NUP98: variants seen among roughly 807,000 people sequenced by gnomAD.
NUP98 encodes nucleoporin 98 and 96 precursor.
Under a neutral mutation model 191.9 loss-of-function variants are expected in NUP98, and 26 were observed. That is an observed-to-expected ratio of 0.14 (90% CI 0.10 to 0.19). NUP98 has a LOEUF of 0.19. Among genes scored for constraint, NUP98 ranks in the 10% least tolerant of loss-of-function variants. The pLI, the probability that NUP98 is intolerant of heterozygous loss-of-function variation, is 1.00. For synonymous variants in NUP98, 808 were observed against 778.4 expected (o/e 1.04, Z -0.63); for missense variants, 1,941 against 2,178.8 (o/e 0.89, Z 2.17).
Position 3,735,264 on chromosome 11 carries a change from C to T in NUP98, c.1469G>A (p.Ser490Asn), listed in dbSNP as rs746530563. Reference sequence around the variant, plus strand: ...GTCTCCAAAAGGTGAGTATGTTAGACTATTGATGTGCTGCTGGAGAACAGC... The same window carrying T: ...GTCTCCAAAAGGTGAGTATGTTAGATTATTGATGTGCTGCTGGAGAACAGC... ...QQAVLQQHIN[S>N]LTYSPFGDSP... Residue 490 changes from serine to asparagine, a missense_variant, in exon 13 of 33, where the codon AGT becomes AAT. Physicochemically the swap from Ser to Asn is conservative, Grantham distance 46. Transcript: ENST00000324932. 2.5e-6 allele frequency: 4 copies of T among 1,595,126 alleles called. No individual in the cohort carries two copies. Among genetic ancestry groups the T allele is most frequent in the Non-Finnish European group, 3.4e-6 (4 of 1,169,136 alleles).
chr11:3,776,486 CTT>C (rs35086418), intron 4 of NUP98, among the ~76,000 whole-genome samples: 60 of 133,184 alleles, frequency 4.5e-4, no homozygotes, highest in African/African-American at 5.1e-4. Context: ...ATAGAAATTT[CTT>C]TTTTTTTTTT....
chr11:3,719,836 T>C (rs1336368920), intron 17 of NUP98, among the ~76,000 whole-genome samples: 1 of 151,436 alleles, frequency 6.6e-6, no homozygotes, highest in African/African-American at 2.4e-5. Flanking sequence ...CCTGTCTCAC[T>C]GCAGCCTGAA....
chr11:3,706,957 A>G (rs2134139275), intron 20 of NUP98, among the ~76,000 whole-genome samples: 1 of 152,320 alleles, frequency 6.6e-6, no homozygotes, highest in South Asian at 2.1e-4. Context: ...TAGCAACTAC[A>G]ATTTTCTGAT....
chr11:3,755,426 C>G (rs2080925422), intron 10 of NUP98, among the ~76,000 whole-genome samples: 1 of 151,844 alleles, frequency 6.6e-6, no homozygotes. Flanking sequence ...GATCACACCA[C>G]TGCACTCCAG....
chr11:3,706,014 AAAGT>A (rs1367646732), intron 21 of NUP98, among the ~76,000 whole-genome samples: 1 of 151,254 alleles, frequency 6.6e-6, no homozygotes, highest in Admixed American at 6.6e-5. Context: ...AAAAAAAAAA[AAAGT>A]AGCCAGGTGT....
At chr11:3,765,564 C>A (rs574371825) in intron 8 of NUP98, among the ~76,000 whole-genome samples, 1 of 152,220 alleles carries the variant, frequency 6.6e-6, no homozygotes, top group South Asian at 2.1e-4. Context: ...CTTTGAGAGG[C>A]TGAGGCAGTC....
chr11:3,686,796 G>A (rs2078146009), intron 28 of NUP98, among the ~76,000 whole-genome samples: 1 of 152,050 alleles, frequency 6.6e-6, no homozygotes, highest in Non-Finnish European at 1.5e-5. Context: ...GACCAGCCTG[G>A]CCAAGATGGT....
chr11:3,702,711 C>A lies in NUP98; in HGVS notation c.3264G>T (p.Pro1088=). The A allele has an allele frequency of 1.2e-6, 2 of 1,614,066 alleles. No homozygotes were observed. The highest frequency in any genetic ancestry group is 1.7e-6 in the Non-Finnish European group (2 of 1,180,002). ...GCCTACGTGTACCCACTGTTTTCAA[C>A]GGAACCTCAGGGGCTGGGCTGGGCA... ...FTMPSPAPEV[P]LKTVGTRRQL... The change falls in exon 23 of 33, where the codon CCG becomes CCT. Residue 1088 remains proline (P), a synonymous_variant. Transcript: ENST00000324932.
chr11:3,691,907 C>T (rs1564809872), intron 27 of NUP98, among the ~76,000 whole-genome samples: 1 of 152,154 alleles, frequency 6.6e-6, no homozygotes, highest in Non-Finnish European at 1.5e-5. Flanking sequence ...AATGAATAGA[C>T]AGCCATGTGC....
chr11:3,771,658 C>T, intron 7 of NUP98, 90 bp downstream of exon 7: 1 of 1,119,242 alleles, frequency 8.9e-7, no homozygotes, highest in Middle Eastern at 2.3e-4. Context: ...TTATTTTTCT[C>T]CATAGCACTT....
intron 5 of NUP98, among the ~76,000 whole-genome samples, chr11:3,774,858 T>C (rs1589941924): frequency 6.6e-6 from 1 of 152,224 alleles, no homozygotes; most frequent in East Asian, 1.9e-4. Context: ...TTCTTCACTA[T>C]CATTTTATGT....
chr11:3,784,052 A>T lies in NUP98; in HGVS notation c.-28-1907T>A, dbSNP rs11821624. On this transcript the variant is annotated intron_variant, in intron 1 of 32. Transcript: ENST00000324932. The stretch of plus-strand genomic sequence containing the variant: ...AGCATAAAAACTCTGAAAACAGTCA[A>T]TCATGCTCATCTGGATTCTGTGACA... Among the ~76,000 whole-genome samples the T allele has an allele frequency of 4.5e-3, 678 of 152,326 alleles. 6 individuals are homozygous for T. Among genetic ancestry groups the T allele is most frequent in the African/African-American group, 0.015 (640 of 41,574 alleles).
intron 18 of NUP98, 150 bp downstream of exon 18, chr11:3,719,262 A>G: frequency 1.9e-6 from 1 of 535,028 alleles, no homozygotes; most frequent in Non-Finnish European, 3.3e-6. Context: ...TTTCTTTGCC[A>G]TTTATACTTT....
intron 13 of NUP98, among the ~76,000 whole-genome samples, chr11:3,732,424 C>T (rs545358618): frequency 6.6e-6 from 1 of 152,234 alleles, no homozygotes; most frequent in South Asian, 2.1e-4. Flanking sequence ...CCAAAAAAAT[C>T]CTAAGCCATA....
chr11:3,692,198 A>G (rs956658452), intron 27 of NUP98, among the ~76,000 whole-genome samples: 2 of 151,902 alleles, frequency 1.3e-5, no homozygotes, highest in African/African-American at 2.4e-5. Context: ...GCATGGTGGT[A>G]TGCACCTGTG....
chr11:3,786,020 T>A (rs1296828026), intron 1 of NUP98, among the ~76,000 whole-genome samples: 2 of 152,122 alleles, frequency 1.3e-5, no homozygotes, highest in Non-Finnish European at 2.9e-5. Context: ...CAGGCACTGT[T>A]CTAATGCTGC....
At chr11:3,784,780 G>GA (rs944023857) in intron 1 of NUP98, among the ~76,000 whole-genome samples, 37 of 151,248 alleles carry the variant, frequency 2.4e-4, no homozygotes, top group African/African-American at 7.0e-4. Context: ...TAGAAATATT[G>GA]AACAAAAATG....
At chr11:3,692,486 G>A (rs2078347510) in intron 27 of NUP98, among the ~76,000 whole-genome samples, 1 of 151,904 alleles carries the variant, frequency 6.6e-6, no homozygotes, top group Non-Finnish European at 1.5e-5. Context: ...AATTAGCCAG[G>A]CGTAGTGGCA....
At chr11:3,770,057 C>T (rs1444259075) in intron 7 of NUP98, among the ~76,000 whole-genome samples, 1 of 125,206 alleles carries the variant, frequency 8.0e-6, no homozygotes, top group East Asian at 2.3e-4. Context: ...AAAAAAAAAA[C>T]AATTAGGGCT....
Sources: allele counts gnomAD v4.1 joint callset (sites outside exome capture counted in the v4.1 genomes callset), GRCh38; gene constraint gnomAD v4.1.1; transcripts MANE v1.5; gene names NCBI Gene and HGNC (gene_info 2026-07-23, HGNC 2026-07-21).